The following ATXN8OS variants were observed in gnomAD, a reference collection of about 807,000 sequenced individuals.
ATXN8OS encodes ATXN8 opposite strand lncRNA, also known as ATXN8 opposite strand (non-protein coding).
intron 4 of ATXN8OS, among the ~76,000 whole-genome samples, chr13:70,163,997 G>A (rs1889042480): frequency 6.7e-6 from 1 of 149,674 alleles, no homozygotes; most frequent in Non-Finnish European, 1.5e-5. Flanking sequence ...GATGTGTAGG[G>A]TGCTTGAATC....
At chr13:70,140,925 T>C (rs1033647568) in intron 3 of ATXN8OS, among the ~76,000 whole-genome samples, 26 of 152,168 alleles carry the variant, frequency 1.7e-4, no homozygotes, top group African/African-American at 5.1e-4. Context: ...ACGATGGACA[T>C]AGTTGTAGAG....
chr13:70,134,399 C>T (rs1288685806), intron 3 of ATXN8OS, among the ~76,000 whole-genome samples: 1 of 152,194 alleles, frequency 6.6e-6, no homozygotes, highest in African/African-American at 2.4e-5. Context: ...ACATAATCTT[C>T]ATAGCCCTAA....
At chr13:70,126,655 CTA>C (rs1888441737) in intron 2 of ATXN8OS, among the ~76,000 whole-genome samples, 1 of 150,158 alleles carries the variant, frequency 6.7e-6, no homozygotes, top group African/African-American at 2.5e-5. Context: ...ATAGATATAT[CTA>C]TAGGCAGATA....
chr13:70,112,921 T>TA lies in ATXN8OS; in HGVS notation n.241-2220_241-2219insA, dbSNP rs71116991. Among the ~76,000 whole-genome samples the TA allele has an allele frequency of 2.8e-3, 146 of 52,286 alleles. 1 individual carries two copies. The highest frequency in any genetic ancestry group is 5.8e-3 in the African/African-American group (58 of 10,014). The allele number at this position is 52,286 out of a possible 152,430, so 34.3% of individuals were successfully genotyped here. ...CTGCTGAGGGACTTTATATATATAA[T>TA]TTTTTTTTTTTTTTTTTTTGAGATG... On this transcript the variant is annotated intron_variant and non_coding_transcript_variant, in intron 1 of 4. Transcript: ENST00000678624.
chr13:70,160,176 GCACT>G (rs56201345), intron 4 of ATXN8OS, among the ~76,000 whole-genome samples: 58,165 of 151,728 alleles, frequency 0.38, 13,644 homozygotes, highest in South Asian at 0.54. Context: ...CTTTTTGTGA[GCACT>G]CAGTCTGTTG....
In ATXN8OS at chr13:70,166,664, CA is replaced by C. The variant is rs750799195; in HGVS notation, n.574-3086del. 2.5e-3 allele frequency among the ~76,000 whole-genome samples: 375 copies of C among 152,192 alleles called. 5 individuals are homozygous for C. The highest frequency in any genetic ancestry group is 1.6e-3 in the Non-Finnish European group (112 of 68,000). On this transcript the variant is annotated intron_variant and non_coding_transcript_variant, in intron 4 of 4. Transcript: ENST00000678624. ...CAATGGCAACAAAAGCCAAAATTGA[CA>C]AATGGGATCTAATTAAACTGAAGAG...
chr13:70,159,988 T>C (rs670589), intron 4 of ATXN8OS, among the ~76,000 whole-genome samples: 142,436 of 152,286 alleles, frequency 0.94, 67,014 homozygotes, highest in East Asian at 1. Flanking sequence ...CTGCTATAAA[T>C]TCACATGTAC....
At chr13:70,117,557 C>CATT (rs931908187) in intron 2 of ATXN8OS, among the ~76,000 whole-genome samples, 3 of 152,016 alleles carry the variant, frequency 2.0e-5, no homozygotes, top group Non-Finnish European at 2.9e-5. Context: ...ACAGTATGTG[C>CATT]ATTATTCCTC....
exon 5 of ATXN8OS, among the ~76,000 whole-genome samples, chr13:70,169,769 G>C (rs1249761003): frequency 1.3e-5 from 2 of 152,066 alleles, no homozygotes; most frequent in East Asian, 1.9e-4. Flanking sequence ...GTCTTCCCAA[G>C]GTTACAACAC....
intron 2 of ATXN8OS, among the ~76,000 whole-genome samples, chr13:70,121,253 C>A: frequency 6.6e-6 from 1 of 151,970 alleles, no homozygotes; most frequent in Middle Eastern, 3.2e-3. Context: ...CAGGGAATGA[C>A]TACTGAAAGC....
intron 4 of ATXN8OS, among the ~76,000 whole-genome samples, chr13:70,168,746 C>T (rs1320390651): frequency 6.6e-6 from 1 of 151,984 alleles, no homozygotes; most frequent in East Asian, 1.9e-4. Flanking sequence ...CCAGTAATAT[C>T]CCATTGTATA....
At chr13:70,140,654 G>C (rs1888701861) in intron 3 of ATXN8OS, among the ~76,000 whole-genome samples, 1 of 151,986 alleles carries the variant, frequency 6.6e-6, no homozygotes. Context: ...GGAATCCTCT[G>C]AATGTGTATT....
chr13:70,152,896 A>T (rs1036263962), intron 4 of ATXN8OS, among the ~76,000 whole-genome samples: 1 of 152,138 alleles, frequency 6.6e-6, no homozygotes, highest in Non-Finnish European at 1.5e-5. Context: ...TACTAAGCAC[A>T]TGCAAACAAA....
At chr13:70,140,871 A>G (rs556235158) in intron 3 of ATXN8OS, among the ~76,000 whole-genome samples, 1 of 152,112 alleles carries the variant, frequency 6.6e-6, no homozygotes, top group African/African-American at 2.4e-5. Flanking sequence ...CCAGGTTTCT[A>G]CTTGAGATCA....
intron 3 of ATXN8OS, among the ~76,000 whole-genome samples, chr13:70,146,104 G>T (rs1488303963): frequency 1.4e-5 from 2 of 145,978 alleles, no homozygotes; most frequent in East Asian, 2.1e-4. Context: ...GTGGGCAAAG[G>T]ATATGAACAG....
At chr13:70,107,698 A>G, upstream of ATXN8OS, 2 of 1,522,322 alleles carry the variant, frequency 1.3e-6, no homozygotes, top group African/African-American at 1.4e-5. Context: ...AGAGCCTGAC[A>G]TGCTTTACGC....
intron 3 of ATXN8OS, chr13:70,131,412 A>C (rs1471270825): frequency 7.5e-6 from 3 of 398,398 alleles, no homozygotes; most frequent in African/African-American, 2.1e-5. Flanking sequence ...TATCTGTCTC[A>C]GTTTATAGAA....
At chr13:70,170,879 CGGTATAACATGTTACTG>C (rs1445292019) in exon 5 of ATXN8OS, among the ~76,000 whole-genome samples, 2 of 151,950 alleles carry the variant, frequency 1.3e-5, no homozygotes, top group African/African-American at 4.8e-5. Context: ...GGCCACAAAC[CGGTATAACATGTTACTG>C]TGCTTAATAC....
intron 1 of ATXN8OS, among the ~76,000 whole-genome samples, chr13:70,112,920 A>ATATT (rs1555298511): frequency 1.1e-5 from 1 of 87,590 alleles, no homozygotes; most frequent in African/African-American, 4.4e-5. Flanking sequence ...TATATATATA[A>ATATT]TTTTTTTTTT....
Sources: allele counts gnomAD v4.1 joint callset (sites outside exome capture counted in the v4.1 genomes callset), GRCh38; gene constraint gnomAD v4.1.1; transcripts MANE v1.5; gene names NCBI Gene and HGNC (gene_info 2026-07-23, HGNC 2026-07-21).